Variants in PADI3 observed in about 807,000 individuals in gnomAD.
PADI3 encodes the protein protein-arginine deiminase type-3.
In PADI3, 53 loss-of-function variants were observed where a neutral mutation model predicts 71.5. The ratio of observed to expected loss-of-function variants is 0.74; its 90% CI spans 0.59 to 0.93. PADI3 has a LOEUF of 0.93. Among genes scored for constraint, PADI3 ranks in the 40% least tolerant of loss-of-function variants. The probability of loss-of-function intolerance (pLI) is 0.00; values close to 1 mark genes in which losing one functional copy is unlikely to be tolerated. For synonymous variants in PADI3, 361 were observed against 347.5 expected, an observed-to-expected ratio of 1.04 and a Z score of -0.43; for missense variants, 821 against 868.0, an observed-to-expected ratio of 0.95 and a Z score of 0.68.
At chr1:17,280,581 CAGA>C in intron 14 of PADI3, 87 bp from the exon 15 acceptor site, 1 of 1,583,818 alleles carries the variant, frequency 6.3e-7, no homozygotes. Flanking sequence ...TCTTTTGACC[CAGA>C]AGAAGTGAGG....
At chr1:17,276,239 A>G (rs1435731666) in intron 11 of PADI3, among the ~76,000 whole-genome samples, 1 of 152,162 alleles carries the variant, frequency 6.6e-6, no homozygotes, top group Non-Finnish European at 1.5e-5. Flanking sequence ...TGGGAGGCTG[A>G]GGCAGGAGAA....
rs755325898 is a variant in PADI3 at position 17,280,758 on chromosome 1, A to G, written c.1723A>G (p.Thr575Ala). Reference sequence around the variant, plus strand: ...CATTGACATCCCACAGCTCTTCAAGACCGAGAGGAAAAAAGCAACGGCCTT... The same window carrying G: ...CATTGACATCCCACAGCTCTTCAAGGCCGAGAGGAAAAAAGCAACGGCCTT... Reference protein sequence around the residue: ...DIIDIPQLFKTERKKATAFFP... With the variant: ...DIIDIPQLFKAERKKATAFFP... Residue 575 changes from threonine to alanine, a missense_variant, in exon 15 of 16, where the codon ACC (threonine) becomes GCC (alanine). By Grantham distance (58) the Thr-to-Ala change is moderately conservative. Coordinates refer to ENST00000375460, the MANE Select transcript of PADI3 (RefSeq NM_016233.2). 3.1e-6 allele frequency: 5 copies of G among 1,614,044 alleles called. No homozygotes were observed. Among genetic ancestry groups the G allele is most frequent in the Non-Finnish European group, 4.2e-6 (5 of 1,179,992 alleles).
chr1:17,252,138 A>G (rs947603710), intron 1 of PADI3, among the ~76,000 whole-genome samples: 2 of 151,990 alleles, frequency 1.3e-5, no homozygotes, highest in South Asian at 2.1e-4. Context: ...AAGGGAAGGA[A>G]GGGTACCCTG....
At position 17,265,649 on chromosome 1, in the gene PADI3, C is replaced by T; in HGVS notation, c.347-10C>T. ...CCTTGTAGTGACTTACCCTCTGCCT[C>T]CTCTTGCAGACATCTCTCTGGATTG... On this transcript the variant is annotated splice_polypyrimidine_tract_variant and intron_variant, in intron 3 of 15. Transcript: ENST00000375460. 1 of 1,613,888 alleles carries T rather than the reference C, an allele frequency of 6.2e-7. No individual in the cohort carries two copies. The highest frequency in any genetic ancestry group is 8.5e-7 in the Non-Finnish European group (1 of 1,179,774).
chr1:17,283,257 C>A lies in PADI3; in HGVS notation c.*178C>A. On this transcript the variant is annotated 3_prime_UTR_variant, in exon 16 of 16. Coordinates refer to ENST00000375460, the MANE Select transcript of PADI3 (RefSeq NM_016233.2). ...GGAAGTGTCCATGCCTCACCTGCAA[C>A]CCATGTGGTTCTCAGACTTGAATCT... is the stretch of plus-strand genomic sequence containing the variant. The A allele has an allele frequency of 1.7e-6, 1 of 585,426 alleles. No homozygotes were observed. Among genetic ancestry groups the A allele is most frequent in the South Asian group, 2.1e-5 (1 of 46,846 alleles). The allele number at this position is 585,426 out of a possible 1,614,324, so 36.3% of individuals were successfully genotyped here. A position where few individuals can be genotyped will look rare whatever the true frequency, so the allele number is the denominator to read the frequency against.
chr1:17,249,674 T>C (rs2072941818), intron 1 of PADI3, among the ~76,000 whole-genome samples: 1 of 152,258 alleles, frequency 6.6e-6, no homozygotes, highest in Non-Finnish European at 1.5e-5. Flanking sequence ...GCACTTACCA[T>C]GTGCCAGGCA....
intron 1 of PADI3, among the ~76,000 whole-genome samples, chr1:17,255,013 G>A (rs2073011220): frequency 6.6e-6 from 1 of 151,572 alleles, no homozygotes; most frequent in Non-Finnish European, 1.5e-5. Context: ...ACTGCGCCTG[G>A]CCCACCAGGC....
chr1:17,267,566 C>T (rs1231652816), intron 5 of PADI3, among the ~76,000 whole-genome samples: 1 of 152,264 alleles, frequency 6.6e-6, no homozygotes, highest in Non-Finnish European at 1.5e-5. Flanking sequence ...TGGCCTTACC[C>T]TCCTTGCTTC....
intron 1 of PADI3, among the ~76,000 whole-genome samples, chr1:17,254,364 T>C (rs4920584): frequency 6.6e-6 from 1 of 152,052 alleles, no homozygotes; most frequent in African/African-American, 2.4e-5. Context: ...AACTTTCCCA[T>C]CAGTTTCTCA....
chr1:17,275,134 CAATT>C (rs757706308), intron 11 of PADI3, among the ~76,000 whole-genome samples: 46 of 151,952 alleles, frequency 3.0e-4, no homozygotes, highest in African/African-American at 1.0e-3. Context: ...TAGTAACAGT[CAATT>C]AATAGTAACA....
chr1:17,282,500 G>A (rs1470262252), intron 15 of PADI3, among the ~76,000 whole-genome samples: 2 of 152,166 alleles, frequency 1.3e-5, no homozygotes, highest in African/African-American at 2.4e-5. Context: ...GAGGGACTCT[G>A]ATTGGTCCAT....
chr1:17,259,869 G>C (rs2073082428), intron 2 of PADI3, 111 bp downstream of exon 2: 1 of 899,534 alleles, frequency 1.1e-6, no homozygotes, highest in Non-Finnish European at 1.6e-6. Flanking sequence ...CAGTGGGTAA[G>C]TGCCTGGCCT....
intron 15 of PADI3, among the ~76,000 whole-genome samples, chr1:17,281,450 CTT>C (rs71014927): frequency 1.4e-5 from 2 of 141,972 alleles, no homozygotes; most frequent in Non-Finnish European, 1.5e-5. Context: ...TTCTTTTTTT[CTT>C]TTTTTTTTTT....
chr1:17,257,061 G>GATT (rs2073037776), intron 1 of PADI3, among the ~76,000 whole-genome samples: 3 of 134,600 alleles, frequency 2.2e-5, no homozygotes, highest in East Asian at 2.4e-4. Flanking sequence ...AAAAAAAAAG[G>GATT]CTTCCTTGGG....
chr1:17,252,904 G>A (rs77738078), intron 1 of PADI3, among the ~76,000 whole-genome samples: 2 of 152,144 alleles, frequency 1.3e-5, no homozygotes, highest in East Asian at 3.9e-4. Flanking sequence ...CGCGAAGCTG[G>A]TCACCTTTGG....
At chr1:17,260,264 C>T (rs1032668200) in intron 2 of PADI3, among the ~76,000 whole-genome samples, 11 of 152,118 alleles carry the variant, frequency 7.2e-5, no homozygotes, top group African/African-American at 2.4e-4. Context: ...CTTTGCTGTC[C>T]GTAATCCACT....
intron 15 of PADI3, among the ~76,000 whole-genome samples, chr1:17,281,450 CT>C (rs71014927): frequency 7.0e-5 from 10 of 141,976 alleles, no homozygotes; most frequent in Admixed American, 1.4e-4. Flanking sequence ...TTCTTTTTTT[CT>C]TTTTTTTTTT....
Position 17,282,918 on chromosome 1 carries a change from T to C in PADI3, c.1834T>C (p.Cys612Arg), listed in dbSNP as rs971291328. ...PFGPIINGCC[C>R]LEEKVRSLLE... ...TGGGCCCATCATCAATGGCTGCTGC[T>C]GCCTGGAGGAGAAGGTGCGGTCCCT... The change falls in exon 16 of 16, where the codon TGC becomes CGC. Residue 612 changes from cysteine (C) to arginine (R), a missense_variant. By Grantham distance (180) the Cys-to-Arg change is radical. Transcript: ENST00000375460. The C allele has an allele frequency of 1.9e-6, 3 of 1,614,146 alleles. No homozygotes were observed. The highest frequency in any genetic ancestry group is 1.7e-5 in the Admixed American group (1 of 60,024).
At chr1:17,280,879 C>CCTAA in intron 15 of PADI3, 83 bp downstream of exon 15, 1 of 1,538,438 alleles carries the variant, frequency 6.5e-7, no homozygotes, top group Non-Finnish European at 8.9e-7. Context: ...TGGTCACAGT[C>CCTAA]ATATTTAGGA....
Sources: allele counts gnomAD v4.1 joint callset (sites outside exome capture counted in the v4.1 genomes callset), GRCh38; gene constraint gnomAD v4.1.1; transcripts MANE v1.5; gene names NCBI Gene and HGNC (gene_info 2026-07-23, HGNC 2026-07-21).